The following PCDHA13 variants were observed in gnomAD, a reference collection of about 807,000 sequenced individuals.
PCDHA13 encodes the protein protocadherin alpha 13.
In PCDHA13, 54 loss-of-function variants were observed where a neutral mutation model predicts 64.8. That is an observed-to-expected ratio of 0.83 (90% CI 0.67 to 1.04). PCDHA13 has a LOEUF of 1.04. PCDHA13 is among the 50% of genes least tolerant of loss of function. PCDHA13 has a pLI of 0.00. For synonymous variants in PCDHA13, 587 were observed against 564.4 expected (o/e 1.04, Z -0.57); for missense variants, 1,248 against 1,254.3 (o/e 0.99, Z 0.08).
chr5:140,954,116 G>A (rs1190456994), intron 1 of PCDHA13, among the ~76,000 whole-genome samples: 2 of 152,118 alleles, frequency 1.3e-5, no homozygotes, highest in East Asian at 3.9e-4. Context: ...ACAAGATCTT[G>A]TTCCTTTTTA....
chr5:141,005,797 A>G (rs1444669955), intron 3 of PCDHA13, among the ~76,000 whole-genome samples: 2 of 150,756 alleles, frequency 1.3e-5, no homozygotes, highest in East Asian at 1.9e-4. Context: ...GGCAAAAACA[A>G]CTCCAAGGAG....
chr5:140,928,798 G>A lies in PCDHA13; in HGVS notation c.2394+44136G>A, dbSNP rs1015507486. On this transcript the variant is annotated intron_variant, in intron 1 of 3. Transcript: ENST00000289272. ...TGATGCAGTTAAGCAGAGGGTGGTGGTAGTGGTTCGGGACCATGGAGACCC... is the reference window on the plus strand; with the variant it reads ...TGATGCAGTTAAGCAGAGGGTGGTGATAGTGGTTCGGGACCATGGAGACCC... 2.4e-5 allele frequency: 38 copies of A among 1,614,046 alleles called. No homozygotes were observed. Among genetic ancestry groups the A allele is most frequent in the Non-Finnish European group, 3.2e-5 (38 of 1,180,052 alleles).
intron 1 of PCDHA13, among the ~76,000 whole-genome samples, chr5:140,913,322 T>G (rs1348973730): frequency 6.6e-6 from 1 of 152,190 alleles, no homozygotes; most frequent in Non-Finnish European, 1.5e-5. Context: ...GTAAGTTGTA[T>G]GTGTCTAGGA....
chr5:140,902,465 T>C (rs535908878), intron 1 of PCDHA13, among the ~76,000 whole-genome samples: 4 of 152,280 alleles, frequency 2.6e-5, no homozygotes, highest in Non-Finnish European at 4.4e-5. Flanking sequence ...AGAAAAGGCT[T>C]TGAGTTTTTG....
At chr5:140,985,104 AT>A (rs2097137151) in intron 3 of PCDHA13, among the ~76,000 whole-genome samples, 1 of 151,914 alleles carries the variant, frequency 6.6e-6, no homozygotes, top group African/African-American at 2.4e-5. Context: ...AGCCTGGCTA[AT>A]TTTTTGTGTT....
intron 1 of PCDHA13, chr5:140,927,199 G>A: frequency 4.3e-6 from 7 of 1,614,128 alleles, no homozygotes; most frequent in Non-Finnish European, 5.9e-6. Context: ...GGTGCTCGAG[G>A]ACCCGCTGGA....
intron 3 of PCDHA13, among the ~76,000 whole-genome samples, chr5:140,994,308 C>T (rs1402344988): frequency 6.6e-6 from 1 of 152,086 alleles, no homozygotes; most frequent in African/African-American, 2.4e-5. Flanking sequence ...TTTCACAGGG[C>T]CCAAACACTC....
chr5:140,925,320 C>T (rs1201662507), intron 1 of PCDHA13, among the ~76,000 whole-genome samples: 1 of 152,016 alleles, frequency 6.6e-6, no homozygotes, highest in Non-Finnish European at 1.5e-5. Context: ...ACATATTGCA[C>T]CTGTATTAAA....
rs2060147472 is a variant in PCDHA13, at chr5:140,884,400, T to C, written c.2132T>C (p.Leu711Ser). 6.2e-7 allele frequency: 1 copy of C among 1,613,972 alleles called. No individual in the cohort carries two copies. Among genetic ancestry groups the C allele is most frequent in the Non-Finnish European group, 8.5e-7 (1 of 1,179,884 alleles). Residue 711 changes from leucine to serine, a missense_variant, in exon 1 of 4, where the codon TTG becomes TCG. By Grantham distance (145) the Leu-to-Ser change is moderately radical. Transcript: ENST00000289272. ...GCCATCTGCGCGGTGTCCAGCCTGTTGGTGCTCACGTTGCTGCTGTATACT... is the reference window on the plus strand; with the variant it reads ...GCCATCTGCGCGGTGTCCAGCCTGTCGGTGCTCACGTTGCTGCTGTATACT... ...IIAICAVSSLLVLTLLLYTAL... is the reference protein window; with the variant it reads ...IIAICAVSSLSVLTLLLYTAL...
intron 3 of PCDHA13, among the ~76,000 whole-genome samples, chr5:140,983,182 C>G (rs782457174): frequency 1.3e-5 from 2 of 152,188 alleles, no homozygotes; most frequent in Non-Finnish European, 2.9e-5. Flanking sequence ...CTCACAATTT[C>G]TTAGTTTAGA....
At chr5:140,983,092 T>C (rs782172308) in intron 3 of PCDHA13, among the ~76,000 whole-genome samples, 4 of 152,178 alleles carry the variant, frequency 2.6e-5, no homozygotes, top group Non-Finnish European at 5.9e-5. Flanking sequence ...TCAAAGTCAA[T>C]CTGCTTCTCT....
At chr5:140,887,284 G>T (rs1374515637) in intron 1 of PCDHA13, among the ~76,000 whole-genome samples, 1 of 152,044 alleles carries the variant, frequency 6.6e-6, no homozygotes, top group Non-Finnish European at 1.5e-5. Context: ...TTTTAGTAGA[G>T]ATGGGGTTTC....
chr5:140,995,334 T>C (rs2097677447), intron 3 of PCDHA13, among the ~76,000 whole-genome samples: 1 of 152,184 alleles, frequency 6.6e-6, no homozygotes, highest in Non-Finnish European at 1.5e-5. Context: ...GTGAGTAGTG[T>C]AGACGGCATG....
intron 1 of PCDHA13, chr5:140,968,425 C>T (rs1195446919): frequency 6.2e-7 from 1 of 1,613,832 alleles, no homozygotes; most frequent in Non-Finnish European, 8.5e-7. Flanking sequence ...AGGCTCAGGA[C>T]AAGGGGAGCC....
chr5:140,978,057 T>C (rs527562348), intron 1 of PCDHA13, among the ~76,000 whole-genome samples: 1 of 152,304 alleles, frequency 6.6e-6, no homozygotes, highest in South Asian at 2.1e-4. Context: ...ACTGATGATG[T>C]CCCAGTGATT....
intron 1 of PCDHA13, chr5:140,969,209 A>G (rs1586360550): frequency 1.2e-6 from 2 of 1,614,194 alleles, no homozygotes; most frequent in Non-Finnish European, 1.7e-6. Context: ...AGGGGCCCAG[A>G]CAGGACCAGG....
intron 1 of PCDHA13, among the ~76,000 whole-genome samples, chr5:140,939,247 T>C (rs1413301027): frequency 6.6e-6 from 1 of 152,246 alleles, no homozygotes; most frequent in South Asian, 2.1e-4. Context: ...GCAAGGTAGC[T>C]CTCTGGAACC....
chr5:140,884,124 G>C lies in PCDHA13; in HGVS notation c.1856G>C (p.Arg619Pro). Residue 619 changes from arginine (R) to proline (P), a missense_variant, in exon 1 of 4, where the codon CGC becomes CCC. Transcript: ENST00000289272. ...TTGCAGCTGGCGGCGGTCGGCGCGC[G>C]CATCCCGTTCCGCGTGGGGCTGTAC... is the stretch of plus-strand genomic sequence containing the variant. Reference protein sequence around the residue: ...YELQLAAVGARIPFRVGLYTG... With the variant: ...YELQLAAVGAPIPFRVGLYTG... 6.2e-7 allele frequency: 1 copy of C among 1,613,344 alleles called. No homozygotes were observed. The highest frequency in any genetic ancestry group is 8.5e-7 in the Non-Finnish European group (1 of 1,179,736).
rs1238131938 is a variant in PCDHA13, at chr5:141,010,564, G to A, written c.*627G>A. Reference sequence around the variant, plus strand: ...GAGACAAAACTACCCCCACTGACAAGGCTTTAGGAGACCCTAAAGTCTGTT... The same window carrying A: ...GAGACAAAACTACCCCCACTGACAAAGCTTTAGGAGACCCTAAAGTCTGTT... On this transcript the variant is annotated 3_prime_UTR_variant, in exon 4 of 4. Coordinates refer to ENST00000289272, the MANE Select transcript of PCDHA13 (RefSeq NM_018904.3). 1 of 289,402 alleles carries A rather than the reference G, an allele frequency of 3.5e-6. No homozygotes were observed. Among genetic ancestry groups the A allele is most frequent in the Non-Finnish European group, 6.5e-6 (1 of 154,048 alleles). 17.9% of individuals were successfully genotyped at this position (289,402 alleles called of 1,614,324 possible).
Sources: gnomAD v4.1 joint callset for allele counts (sites outside exome capture counted in the v4.1 genomes callset) on GRCh38, gnomAD v4.1.1 for gene constraint, MANE v1.5 for transcripts, NCBI Gene and HGNC (gene_info 2026-07-23, HGNC 2026-07-21) for gene names.